The following SND1 variants were observed in gnomAD, a reference collection of about 807,000 sequenced individuals.
SND1 encodes staphylococcal nuclease domain-containing protein 1.
SND1 carries 38 observed loss-of-function variants against 121.7 expected under a neutral mutation model. The ratio of observed to expected loss-of-function variants is 0.31; its 90% CI spans 0.24 to 0.41. The LOEUF (loss-of-function observed/expected upper bound fraction) is 0.41, where lower values mean the gene tolerates loss of function less well. SND1 is among the 10% of genes least tolerant of loss of function. The pLI, the probability that SND1 is intolerant of heterozygous loss-of-function variation, is 1.00. For synonymous variants in SND1, 401 were observed against 447.4 expected (o/e 0.90, Z 1.31); for missense variants, 868 against 1,184.6 (o/e 0.73, Z 3.92).
intron 11 of SND1, among the ~76,000 whole-genome samples, chr7:127,816,135 C>T (rs1471709226): frequency 6.6e-6 from 1 of 152,136 alleles, no homozygotes; most frequent in Non-Finnish European, 1.5e-5. Flanking sequence ...CACTGATGTC[C>T]ACTTAAGAAG....
rs557427826 is a variant in SND1, at chr7:128,001,756, A to G, written c.1779+10700A>G. Among the ~76,000 whole-genome samples the G allele has an allele frequency of 3.1e-4, 47 of 152,150 alleles. No individual in the cohort carries two copies. The South Asian group carries it at 9.8e-3, about 32-fold the overall frequency. On this transcript the variant is annotated intron_variant, in intron 16 of 23. Transcript: ENST00000354725. ...AGACCAACCTGACCAACATGGAGAA[A>G]CCCCGTCTCTACTAAAAATACAAAA...
intron 15 of SND1, among the ~76,000 whole-genome samples, chr7:127,984,490 C>T (rs375151566): frequency 1.3e-5 from 2 of 152,296 alleles, no homozygotes; most frequent in East Asian, 1.9e-4. Context: ...CAGACTAAAC[C>T]TCATCTCAGC....
intron 12 of SND1, among the ~76,000 whole-genome samples, chr7:127,857,183 CTTTTTTT>C (rs71522259): frequency 5.9e-5 from 4 of 67,944 alleles, no homozygotes; most frequent in Non-Finnish European, 1.2e-4. Context: ...AATGTCAACA[CTTTTTTT>C]TTTTTTTTTT....
chr7:127,843,077 T>C (rs372424558), intron 11 of SND1, among the ~76,000 whole-genome samples: 20 of 152,264 alleles, frequency 1.3e-4, no homozygotes, highest in African/African-American at 4.6e-4. Context: ...GTTATCAGCT[T>C]TTTTCTTTCT....
intron 16 of SND1, among the ~76,000 whole-genome samples, 187 bp downstream of exon 16, chr7:127,991,243 T>C (rs1163222020): frequency 6.6e-6 from 1 of 152,134 alleles, no homozygotes; most frequent in African/African-American, 2.4e-5. Flanking sequence ...CACCCCCAAA[T>C]TGCTCCCCTC....
intron 10 of SND1, among the ~76,000 whole-genome samples, chr7:127,799,873 T>A (rs956728153): frequency 6.6e-6 from 1 of 152,242 alleles, no homozygotes; most frequent in African/African-American, 2.4e-5. Flanking sequence ...CTTCTGTGTA[T>A]GGTCCTTTAG....
intron 18 of SND1, among the ~76,000 whole-genome samples, chr7:128,082,350 G>C (rs1305227107): frequency 1.3e-5 from 2 of 152,226 alleles, no homozygotes; most frequent in Non-Finnish European, 2.9e-5. Context: ...AGCAGCACTT[G>C]GGCAGTCCCC....
At chr7:127,976,788 A>G (rs191665498) in intron 15 of SND1, among the ~76,000 whole-genome samples, 20 of 152,298 alleles carry the variant, frequency 1.3e-4, no homozygotes, top group Admixed American at 1.2e-3. Context: ...AAGGAAATGA[A>G]TAGACTGCTT....
chr7:128,008,765 A>C (rs1270787720), intron 16 of SND1, among the ~76,000 whole-genome samples: 1 of 152,064 alleles, frequency 6.6e-6, no homozygotes, highest in Non-Finnish European at 1.5e-5. Flanking sequence ...GAGGCAGGTT[A>C]CCCTTCTTGT....
intron 10 of SND1, among the ~76,000 whole-genome samples, chr7:127,789,754 T>A (rs1584574211): frequency 6.6e-6 from 1 of 152,240 alleles, no homozygotes; most frequent in African/African-American, 2.4e-5. Flanking sequence ...GTGTTTTCTC[T>A]GGATTCCTCA....
intron 12 of SND1, chr7:127,858,023 C>T (rs1276834600): frequency 1.4e-6 from 2 of 1,451,486 alleles, no homozygotes; most frequent in Non-Finnish European, 1.9e-6. Flanking sequence ...CACTTATATT[C>T]CCACATCACA....
At chr7:127,981,627 C>A (rs879426218) in intron 15 of SND1, among the ~76,000 whole-genome samples, 2 of 152,132 alleles carry the variant, frequency 1.3e-5, no homozygotes, top group Non-Finnish European at 2.9e-5. Context: ...TTGTTATCTT[C>A]TGTACCAGCT....
At chr7:127,912,232 T>C (rs1041370094) in intron 14 of SND1, among the ~76,000 whole-genome samples, 2 of 152,224 alleles carry the variant, frequency 1.3e-5, no homozygotes, top group African/African-American at 4.8e-5. Context: ...TAAATAAATT[T>C]GAAAGCATTT....
chr7:127,705,069 G>A (rs547346543), intron 8 of SND1, 124 bp downstream of exon 8: 56 of 765,978 alleles, frequency 7.3e-5, no homozygotes, highest in Non-Finnish European at 1.2e-4. Context: ...AAGGAGTAGG[G>A]CAGTTCCTTA....
At chr7:127,652,938 CTCTT>C (rs1795147966) in intron 1 of SND1, among the ~76,000 whole-genome samples, 1 of 152,210 alleles carries the variant, frequency 6.6e-6, no homozygotes, top group South Asian at 2.1e-4. Flanking sequence ...CTCTTTTCCT[CTCTT>C]TCCCTCCACC....
chr7:127,792,221 G>A (rs1797921880), intron 10 of SND1, among the ~76,000 whole-genome samples: 1 of 152,094 alleles, frequency 6.6e-6, no homozygotes, highest in African/African-American at 2.4e-5. Context: ...TGGATCTTTT[G>A]TGCATATCTG....
Position 128,091,879 on chromosome 7 carries a change from A to C in SND1, c.2665A>C (p.Arg889=). ...TGCCCAAGAGTCAGCCAAGAGCGCC[A>C]GGGTGAGTTCTTACCTTGGGAGCCC... ...LNAQESAKSA[R]LNLWRYGDFR... The change falls in exon 23 of 24, where the codon AGG becomes CGG. Residue 889 remains arginine (R), a splice_region_variant and synonymous_variant. Coordinates refer to ENST00000354725, the MANE Select transcript of SND1 (RefSeq NM_014390.4). 6.2e-7 allele frequency: 1 copy of C among 1,614,218 alleles called. No individual in the cohort carries two copies. Among genetic ancestry groups the C allele is most frequent in the Non-Finnish European group, 8.5e-7 (1 of 1,180,038 alleles).
chr7:128,029,573 CATG>C lies in SND1; in HGVS notation c.1779+38522_1779+38524del. On this transcript the variant is annotated intron_variant, in intron 16 of 23. Coordinates refer to ENST00000354725, the MANE Select transcript of SND1 (RefSeq NM_014390.4). The surrounding 1 kb of genome is among the most constrained non-coding windows in gnomAD (Gnocchi z 4.2). ...AAATGTTGAGGTCTCGAGGTGCGTC[CATG>C]ATGAAGGGGGCAGAGCACTGGAAGG... The C allele has an allele frequency of 6.2e-7, 1 of 1,614,004 alleles. No individual in the cohort carries two copies.
intron 11 of SND1, among the ~76,000 whole-genome samples, chr7:127,808,351 G>C (rs977272897): frequency 1.3e-5 from 2 of 151,980 alleles, no homozygotes; most frequent in Admixed American, 1.3e-4. Context: ...TTTTGGTCGA[G>C]ACGGAGTTTC....
Sources: allele counts gnomAD v4.1 joint callset (sites outside exome capture counted in the v4.1 genomes callset), GRCh38; gene constraint gnomAD v4.1.1; non-coding constraint Gnocchi (gnomAD v3.1); transcripts MANE v1.5; gene names NCBI Gene and HGNC (gene_info 2026-07-23, HGNC 2026-07-21).